SORCS1: variants seen among roughly 807,000 people sequenced by gnomAD.
SORCS1 encodes VPS10 domain-containing receptor SorCS1.
Under a neutral mutation model 146.1 loss-of-function variants are expected in SORCS1, and 60 were observed. The ratio of observed to expected loss-of-function variants is 0.41; its 90% CI spans 0.33 to 0.51. The LOEUF is 0.51. SORCS1 is among the 20% of genes least tolerant of loss of function. The pLI is 0.21. For synonymous variants in SORCS1, 637 were observed against 584.0 expected, an observed-to-expected ratio of 1.09 and a Z score of -1.31; for missense variants, 1,352 against 1,487.6, an observed-to-expected ratio of 0.91 and a Z score of 1.50.
intron 2 of SORCS1, among the ~76,000 whole-genome samples, chr10:106,901,197 A>T (rs1951686210): frequency 6.6e-6 from 1 of 152,366 alleles, no homozygotes; most frequent in East Asian, 1.9e-4. Context: ...CAGGGTTGCC[A>T]TTGTGATTAC....
At chr10:107,079,796 G>A (rs1404126870) in intron 1 of SORCS1, among the ~76,000 whole-genome samples, 1 of 152,146 alleles carries the variant, frequency 6.6e-6, no homozygotes, top group Admixed American at 6.5e-5. Context: ...ATCACCAAAA[G>A]GAGAACTCCA....
intron 9 of SORCS1, among the ~76,000 whole-genome samples, chr10:106,692,882 T>A (rs1853403315): frequency 6.6e-6 from 1 of 152,142 alleles, no homozygotes; most frequent in African/African-American, 2.4e-5. Flanking sequence ...TATACTAATA[T>A]GTTATTTACT....
At chr10:107,039,260 G>A (rs1437411042) in intron 1 of SORCS1, among the ~76,000 whole-genome samples, 7 of 151,022 alleles carry the variant, frequency 4.6e-5, no homozygotes, top group Non-Finnish European at 7.4e-5. Flanking sequence ...CCCGGGAGGA[G>A]GAGTTTGCAG....
chr10:107,032,724 C>T (rs1485254647), intron 1 of SORCS1, among the ~76,000 whole-genome samples: 1 of 152,166 alleles, frequency 6.6e-6, no homozygotes, highest in Non-Finnish European at 1.5e-5. Context: ...GAAATGACAA[C>T]AGAGCTGTTA....
chr10:106,911,706 T>A (rs899979039), intron 2 of SORCS1, among the ~76,000 whole-genome samples: 1 of 152,136 alleles, frequency 6.6e-6, no homozygotes, highest in Non-Finnish European at 1.5e-5. Context: ...TGGTTGTCCA[T>A]TAGATTCACA....
chr10:106,656,520 C>A (rs1274068593), intron 17 of SORCS1, among the ~76,000 whole-genome samples: 12 of 152,064 alleles, frequency 7.9e-5, no homozygotes, highest in Admixed American at 7.2e-4. Flanking sequence ...TGCACCACTG[C>A]ACTCCCGAGC....
At chr10:106,681,419 A>AT (rs1466102943) in intron 10 of SORCS1, among the ~76,000 whole-genome samples, 1 of 152,228 alleles carries the variant, frequency 6.6e-6, no homozygotes, top group African/African-American at 2.4e-5. Flanking sequence ...AAGATAACTG[A>AT]TTAAGTACTG....
At chr10:107,034,306 A>T (rs11193178) in intron 1 of SORCS1, among the ~76,000 whole-genome samples, 54,291 of 151,808 alleles carry the variant, frequency 0.36, 9,744 homozygotes, top group Admixed American at 0.41. Flanking sequence ...AGGAGCACAG[A>T]CACTGCTTCA....
chr10:107,051,608 A>G (rs376531243), intron 1 of SORCS1, among the ~76,000 whole-genome samples: 22 of 152,244 alleles, frequency 1.4e-4, no homozygotes, highest in African/African-American at 3.9e-4. Context: ...GCCCATTTGT[A>G]TAAGCCCTGG....
chr10:106,846,080 C>G lies in SORCS1; in HGVS notation c.627-16407G>C, dbSNP rs1265867818. ...TGGCGATGCGGGCTCTTTTTTGGTT[C>G]CATATGAACTTTAAAGTAGTTTTTT... On this transcript the variant is annotated intron_variant, in intron 2 of 25. Coordinates refer to ENST00000263054, the MANE Select transcript of SORCS1 (RefSeq NM_052918.5). Among the ~76,000 whole-genome samples the G allele has an allele frequency of 2.0e-5, 2 of 98,768 alleles. 1 individual carries two copies. Among genetic ancestry groups the G allele is most frequent in the Non-Finnish European group, 4.8e-5 (2 of 41,674 alleles). 64.8% of individuals were successfully genotyped at this position (98,768 alleles called of 152,430 possible).
intron 1 of SORCS1, among the ~76,000 whole-genome samples, chr10:107,119,512 T>C (rs772034899): frequency 3.3e-5 from 5 of 152,220 alleles, no homozygotes; most frequent in Non-Finnish European, 5.9e-5. Flanking sequence ...AAATGTTACT[T>C]TGCTTTGCTT....
intron 2 of SORCS1, among the ~76,000 whole-genome samples, chr10:106,908,607 C>T (rs1284951611): frequency 2.0e-5 from 3 of 152,168 alleles, no homozygotes; most frequent in African/African-American, 7.2e-5. Context: ...CCCTGCAAGG[C>T]CCAAGCTGGA....
In SORCS1 at chr10:106,790,244, T is replaced by G. The variant is rs575572809; in HGVS notation, c.727-13552A>C. Among the ~76,000 whole-genome samples the G allele has an allele frequency of 2.0e-5, 3 of 152,260 alleles. No homozygotes were observed. The South Asian group carries it at 6.2e-4, about 32-fold the overall frequency. ...GATGCTCAACAATTGGTACTGGACTTAATTCCTTCAATTTGTTACTGTAAC... is the reference window on the plus strand; with the variant it reads ...GATGCTCAACAATTGGTACTGGACTGAATTCCTTCAATTTGTTACTGTAAC... On this transcript the variant is annotated intron_variant, in intron 3 of 25. Transcript: ENST00000263054.
intron 2 of SORCS1, among the ~76,000 whole-genome samples, chr10:106,855,794 T>C (rs1032384028): frequency 1.3e-5 from 2 of 152,222 alleles, no homozygotes; most frequent in Non-Finnish European, 2.9e-5. Context: ...GCTTTTTCTA[T>C]TAAAGCCCTT....
At chr10:106,804,632 G>A (rs968334860) in intron 3 of SORCS1, among the ~76,000 whole-genome samples, 7 of 152,000 alleles carry the variant, frequency 4.6e-5, no homozygotes, top group Admixed American at 2.6e-4. Flanking sequence ...AAAGGAAGAC[G>A]AGAATGTAAT....
intron 1 of SORCS1, among the ~76,000 whole-genome samples, chr10:107,018,993 A>G (rs1421081245): frequency 6.6e-6 from 1 of 152,190 alleles, no homozygotes; most frequent in Non-Finnish European, 1.5e-5. Flanking sequence ...ATAGCTATAC[A>G]ATTTTAGGTA....
intron 2 of SORCS1, among the ~76,000 whole-genome samples, chr10:106,918,598 G>C (rs557179928): frequency 6.6e-6 from 1 of 152,226 alleles, no homozygotes; most frequent in South Asian, 2.1e-4. Context: ...GAAAAATAGA[G>C]GAGGAGAGGG....
chr10:106,743,607 T>C (rs1316675033), intron 5 of SORCS1, among the ~76,000 whole-genome samples: 2 of 152,064 alleles, frequency 1.3e-5, no homozygotes, highest in Admixed American at 6.5e-5. Flanking sequence ...GTATGTTTAG[T>C]GGAGACGGGG....
intron 1 of SORCS1, among the ~76,000 whole-genome samples, chr10:107,103,793 T>C (rs1965113380): frequency 6.6e-6 from 1 of 152,176 alleles, no homozygotes; most frequent in African/African-American, 2.4e-5. Flanking sequence ...CCAGTAGCCA[T>C]TATAAAACCC....
Sources: allele counts gnomAD v4.1 joint callset (sites outside exome capture counted in the v4.1 genomes callset), GRCh38; gene constraint gnomAD v4.1.1; transcripts MANE v1.5; gene names NCBI Gene and HGNC (gene_info 2026-07-23, HGNC 2026-07-21).